Variants in MAGI2 observed in about 807,000 individuals in gnomAD.
The protein encoded by MAGI2 is membrane-associated guanylate kinase, WW and PDZ domain-containing protein 2.
A neutral mutation model predicts 133.3 loss-of-function variants in MAGI2; 35 were observed. The ratio of observed to expected loss-of-function variants is 0.26; its 90% CI spans 0.20 to 0.35. MAGI2 has a LOEUF of 0.35. MAGI2 is among the 10% of genes least tolerant of loss of function. The probability of loss-of-function intolerance (pLI) is 1.00; values close to 1 mark genes in which losing one functional copy is unlikely to be tolerated. For synonymous variants in MAGI2, 729 were observed against 710.6 expected, an observed-to-expected ratio of 1.03 and a Z score of -0.41; for missense variants, 1,636 against 1,863.4, an observed-to-expected ratio of 0.88 and a Z score of 2.25.
chr7:78,654,950 G>C (rs1004713333), intron 2 of MAGI2, among the ~76,000 whole-genome samples: 1 of 151,392 alleles, frequency 6.6e-6, no homozygotes, highest in Non-Finnish European at 1.5e-5. Flanking sequence ...TGCCTTGAAC[G>C]GGTCTGTTTT....
At chr7:78,498,439 G>T (rs1563085996) in intron 5 of MAGI2, among the ~76,000 whole-genome samples, 1 of 152,150 alleles carries the variant, frequency 6.6e-6, no homozygotes, top group Non-Finnish European at 1.5e-5. Flanking sequence ...AGAAGCAAAG[G>T]TTCTCACAGA....
intron 1 of MAGI2, among the ~76,000 whole-genome samples, chr7:79,211,843 A>G (rs1324081347): frequency 6.6e-6 from 1 of 152,016 alleles, no homozygotes; most frequent in African/African-American, 2.4e-5. Flanking sequence ...TAGAAGTAAT[A>G]TGGTGTAATA....
chr7:78,274,028 G>C (rs886344344), intron 9 of MAGI2, among the ~76,000 whole-genome samples: 3 of 152,096 alleles, frequency 2.0e-5, no homozygotes, highest in Admixed American at 1.3e-4. Flanking sequence ...CTGGTTTTTG[G>C]AATTTTCAGC....
At chr7:79,254,657 C>A (rs1033302988) in intron 1 of MAGI2, among the ~76,000 whole-genome samples, 2 of 152,160 alleles carry the variant, frequency 1.3e-5, no homozygotes, top group African/African-American at 2.4e-5. Context: ...TTAAATTTTC[C>A]TAAAATATAT....
At chr7:79,005,232 T>G (rs1807317978) in intron 2 of MAGI2, among the ~76,000 whole-genome samples, 2 of 152,180 alleles carry the variant, frequency 1.3e-5, no homozygotes, top group South Asian at 4.1e-4. Context: ...TAGTCAATAA[T>G]GTTATTGGAA....
chr7:78,447,996 A>G (rs1260607067), intron 6 of MAGI2, among the ~76,000 whole-genome samples: 1 of 152,108 alleles, frequency 6.6e-6, no homozygotes, highest in African/African-American at 2.4e-5. Context: ...TTTAGATTCT[A>G]CATATAAGTT....
chr7:78,546,111 A>C (rs920378354), intron 3 of MAGI2, among the ~76,000 whole-genome samples: 1 of 152,290 alleles, frequency 6.6e-6, no homozygotes, highest in South Asian at 2.1e-4. Context: ...AGTTTGGGCA[A>C]GTTTCCTAAG....
chr7:78,985,174 C>T (rs886855785), intron 2 of MAGI2, among the ~76,000 whole-genome samples: 3 of 151,762 alleles, frequency 2.0e-5, no homozygotes, highest in African/African-American at 7.3e-5. Flanking sequence ...GACATATATT[C>T]TTTAGAGACA....
At chr7:78,744,011 C>T (rs1380544130) in intron 2 of MAGI2, among the ~76,000 whole-genome samples, 1 of 152,084 alleles carries the variant, frequency 6.6e-6, no homozygotes, top group Non-Finnish European at 1.5e-5. Context: ...CATGAGCCTT[C>T]TTTAACTTGA....
chr7:78,064,889 T>C (rs3779318), intron 21 of MAGI2, among the ~76,000 whole-genome samples: 8,352 of 152,284 alleles, frequency 0.055, 264 homozygotes, highest in South Asian at 0.098. Context: ...TTCCTTGAGA[T>C]TTTTTAACCA....
Position 79,276,635 on chromosome 7 carries a change from A to G in MAGI2, c.301+176385T>C, listed in dbSNP as rs574104520. Among the ~76,000 whole-genome samples the G allele has an allele frequency of 2.0e-5, 3 of 152,322 alleles. No individual in the cohort carries two copies. The South Asian group carries it at 6.2e-4, about 32-fold the overall frequency. ...CTTGAAATGGAATCTACCCCTGTGAAGTTACTGTGAATATTGTTGAAATGA... is the reference window on the plus strand; with the variant it reads ...CTTGAAATGGAATCTACCCCTGTGAGGTTACTGTGAATATTGTTGAAATGA... On this transcript the variant is annotated intron_variant, in intron 1 of 21. Coordinates refer to ENST00000354212, the MANE Select transcript of MAGI2 (RefSeq NM_012301.4).
intron 3 of MAGI2, among the ~76,000 whole-genome samples, chr7:78,564,656 C>T (rs191602322): frequency 2.0e-5 from 3 of 152,246 alleles, no homozygotes; most frequent in African/African-American, 7.2e-5. Flanking sequence ...ATATGTTACC[C>T]TCTGTCTATA....
intron 2 of MAGI2, among the ~76,000 whole-genome samples, chr7:78,914,065 G>A (rs1424633390): frequency 6.6e-6 from 1 of 152,140 alleles, no homozygotes; most frequent in African/African-American, 2.4e-5. Flanking sequence ...CATTTTGTTT[G>A]CAGATTGAGC....
chr7:78,296,347 T>G lies in MAGI2; in HGVS notation c.1409-39766A>C, dbSNP rs151056597. 1.7e-3 allele frequency among the ~76,000 whole-genome samples: 261 copies of G among 152,262 alleles called. 2 individuals carry two copies. The highest frequency in any genetic ancestry group is 6.0e-3 in the African/African-American group (248 of 41,564). Reference sequence around the variant, plus strand: ...TGTCAGGCCAAGCAAAGCATATCCTTAGGCCTCTGGAGTTTCTGTTCCCTC... The same window carrying G: ...TGTCAGGCCAAGCAAAGCATATCCTGAGGCCTCTGGAGTTTCTGTTCCCTC... On this transcript the variant is annotated intron_variant, in intron 9 of 21. Transcript: ENST00000354212.
At chr7:78,817,354 G>C (rs1407673309) in intron 2 of MAGI2, among the ~76,000 whole-genome samples, 1 of 152,196 alleles carries the variant, frequency 6.6e-6, no homozygotes, top group Non-Finnish European at 1.5e-5. Context: ...ACAAAGCAAT[G>C]GCAGGGTTTG....
At position 79,217,278 on chromosome 7, in the gene MAGI2, G is replaced by A. The variant is rs182344077; in HGVS notation, c.302-210072C>T. Reference sequence around the variant, plus strand: ...GTATATAATAGCAACCTCAGTGAATGTAGTCAGTTTATTAAATATGCTGAT... The same window carrying A: ...GTATATAATAGCAACCTCAGTGAATATAGTCAGTTTATTAAATATGCTGAT... On this transcript the variant is annotated intron_variant, in intron 1 of 21. Coordinates refer to ENST00000354212, the MANE Select transcript of MAGI2 (RefSeq NM_012301.4). Among the ~76,000 whole-genome samples the A allele has an allele frequency of 9.2e-4, 134 of 145,738 alleles. 1 individual carries two copies. Among genetic ancestry groups the A allele is most frequent in the African/African-American group, 3.6e-3 (127 of 35,448 alleles).
At chr7:78,907,634 G>T (rs933345553) in intron 2 of MAGI2, among the ~76,000 whole-genome samples, 2 of 152,134 alleles carry the variant, frequency 1.3e-5, no homozygotes, top group African/African-American at 4.8e-5. Context: ...CTATCAAATA[G>T]AATTCCCTTT....
At chr7:78,591,407 T>C (rs113891819) in intron 3 of MAGI2, among the ~76,000 whole-genome samples, 2,842 of 152,274 alleles carry the variant, frequency 0.019, 38 homozygotes, top group South Asian at 0.038. Context: ...CATCTAGCTG[T>C]AGACAAGAAT....
chr7:79,024,269 C>T (rs995037242), intron 1 of MAGI2, among the ~76,000 whole-genome samples: 18 of 151,872 alleles, frequency 1.2e-4, no homozygotes, highest in East Asian at 1.9e-4. Context: ...CTGGGTTAAC[C>T]GACTTGCCAT....
Sources: allele counts gnomAD v4.1 joint callset (sites outside exome capture counted in the v4.1 genomes callset), GRCh38; gene constraint gnomAD v4.1.1; transcripts MANE v1.5; gene names NCBI Gene and HGNC (gene_info 2026-07-23, HGNC 2026-07-21).